Variants in ARHGAP21 observed in about 807,000 individuals in gnomAD.
ARHGAP21 encodes the protein rho GTPase-activating protein 21.
ARHGAP21 carries 38 observed loss-of-function variants against 164.6 expected under a neutral mutation model. The ratio of observed to expected loss-of-function variants is 0.23; its 90% CI spans 0.18 to 0.30. ARHGAP21 has a LOEUF of 0.30. ARHGAP21 is among the 10% of genes least tolerant of loss of function. The pLI, the probability that ARHGAP21 is intolerant of heterozygous loss-of-function variation, is 1.00. For synonymous variants in ARHGAP21, 766 were observed against 857.9 expected (o/e 0.89, Z 1.87); for missense variants, 1,822 against 2,370.7 (o/e 0.77, Z 4.81).
chr10:24,602,552 A>G (rs2076857325), intron 12 of ARHGAP21, among the ~76,000 whole-genome samples: 1 of 152,224 alleles, frequency 6.6e-6, no homozygotes, highest in Non-Finnish European at 1.5e-5. Context: ...ATGAGAATGT[A>G]CAGCTACTGA....
At chr10:24,717,832 G>C (rs1187404299) in intron 2 of ARHGAP21, among the ~76,000 whole-genome samples, 1 of 147,444 alleles carries the variant, frequency 6.8e-6, no homozygotes, top group Non-Finnish European at 1.5e-5. Context: ...CGGGTTCAAG[G>C]ATTCTCATAC....
chr10:24,620,762 G>C lies in ARHGAP21; in HGVS notation c.1133C>G (p.Pro378Arg). ...APSVSVNHYS[P>R]NSHQHIDWKN... The stretch of plus-strand genomic sequence containing the variant: ...CCAGTCTATGTGCTGATGGGAATTT[G>C]GCGAATAGTGATTAACAGATACAGA... Residue 378 changes from proline (P) to arginine (R), a missense_variant, in exon 9 of 26, where the codon CCA (proline) becomes CGA (arginine). Pro to Arg is a moderately radical substitution (Grantham distance 103). This residue lies in a region of ARHGAP21 where 1,090 missense variants were observed against 1,378.9 expected (regional missense o/e 0.79). Transcript: ENST00000396432. 6.2e-7 allele frequency: 1 copy of C among 1,614,138 alleles called. No homozygotes were observed. Among genetic ancestry groups the C allele is most frequent in the East Asian group, 2.2e-5 (1 of 44,886 alleles).
chr10:24,709,671 C>G (rs1390321260), intron 2 of ARHGAP21, among the ~76,000 whole-genome samples: 1 of 150,856 alleles, frequency 6.6e-6, no homozygotes, highest in Non-Finnish European at 1.5e-5. Context: ...GCCAGCAGGT[C>G]GAGGCTACAG....
chr10:24,711,706 T>C (rs538657026), intron 2 of ARHGAP21, among the ~76,000 whole-genome samples: 3 of 152,062 alleles, frequency 2.0e-5, no homozygotes, highest in Admixed American at 2.0e-4. Flanking sequence ...AAAACAGACA[T>C]GAGAAGAGGC....
At chr10:24,648,113 A>G (rs946928619) in intron 4 of ARHGAP21, among the ~76,000 whole-genome samples, 13 of 152,170 alleles carry the variant, frequency 8.5e-5, no homozygotes, top group African/African-American at 3.1e-4. Flanking sequence ...TGCTGGGATT[A>G]CAGGCGTGAG....
chr10:24,684,836 A>G (rs1365261157), intron 2 of ARHGAP21, among the ~76,000 whole-genome samples: 1 of 152,034 alleles, frequency 6.6e-6, no homozygotes, highest in Non-Finnish European at 1.5e-5. Context: ...ACAGGGTTTC[A>G]CCACGTTTGC....
intron 4 of ARHGAP21, among the ~76,000 whole-genome samples, chr10:24,651,547 G>C (rs1209695751): frequency 2.6e-5 from 4 of 152,186 alleles, no homozygotes; most frequent in Admixed American, 2.6e-4. Flanking sequence ...TTAGGTGAAG[G>C]CAATCCTTGA....
At position 24,620,217 on chromosome 10, in the gene ARHGAP21, C is replaced by T; in HGVS notation, c.1678G>A (p.Val560Met). Residue 560 changes from valine to methionine, a missense_variant, in exon 9 of 26, where the codon GTG becomes ATG. Coordinates refer to ENST00000396432, the MANE Select transcript of ARHGAP21 (RefSeq NM_020824.4). ...HKSFRGSNFT[V>M]APSVVNSDNR... ...TCAGAATTAACAACGCTTGGAGCCA[C>T]AGTAAAATTGGAACCTCGAAAAGAT... 6.2e-7 allele frequency: 1 copy of T among 1,613,924 alleles called. No individual in the cohort carries two copies. The highest frequency in any genetic ancestry group is 1.1e-5 in the South Asian group (1 of 91,060).
At position 24,585,756 on chromosome 10, in the gene ARHGAP21, G is replaced by A; in HGVS notation, c.4533C>T (p.His1511=). The change falls in exon 26 of 26, where the codon CAC becomes CAT. Residue 1511 remains histidine, a synonymous_variant. Coordinates refer to ENST00000396432, the MANE Select transcript of ARHGAP21 (RefSeq NM_020824.4). ...EEPSPPHNSK[H]NKSPTLSCRF... ...GACAGCTGAGAGTTGGTGACTTGTT[G>A]TGTTTTGAGTTGTGTGGTGGTGAGG... is the stretch of plus-strand genomic sequence containing the variant. The A allele has an allele frequency of 6.2e-7, 1 of 1,613,976 alleles. No homozygotes were observed. Among genetic ancestry groups the A allele is most frequent in the Non-Finnish European group, 8.5e-7 (1 of 1,179,908 alleles).
chr10:24,622,978 T>C, intron 7 of ARHGAP21: 1 of 493,980 alleles, frequency 2.0e-6, no homozygotes, highest in East Asian at 3.3e-5. Flanking sequence ...TCTTGTTTGA[T>C]GTGTCTACCA....
At chr10:24,656,361 C>T (rs1485219165) in intron 4 of ARHGAP21, among the ~76,000 whole-genome samples, 7 of 105,890 alleles carry the variant, frequency 6.6e-5, no homozygotes, top group African/African-American at 8.1e-5. Flanking sequence ...CCCCCCCACC[C>T]GGCCAGCCGC....
At chr10:24,649,415 A>G (rs1049491065) in intron 4 of ARHGAP21, among the ~76,000 whole-genome samples, 2 of 151,992 alleles carry the variant, frequency 1.3e-5, no homozygotes, top group African/African-American at 4.8e-5. Context: ...CTATCAGGAG[A>G]CTCTCCCGCA....
intron 9 of ARHGAP21, among the ~76,000 whole-genome samples, chr10:24,611,023 A>G (rs890962129): frequency 1.3e-5 from 2 of 152,216 alleles, no homozygotes; most frequent in Non-Finnish European, 2.9e-5. Flanking sequence ...TCACTTTAAG[A>G]TGTTCTCATC....
intron 2 of ARHGAP21, among the ~76,000 whole-genome samples, chr10:24,717,119 T>C (rs1565211977): frequency 6.6e-6 from 1 of 152,014 alleles, no homozygotes. Context: ...CATGAAACAG[T>C]ATTGGGAGAA....
At chr10:24,595,619 G>C in intron 19 of ARHGAP21, 98 bp downstream of exon 19, 1 of 1,261,850 alleles carries the variant, frequency 7.9e-7, no homozygotes, top group Non-Finnish European at 1.1e-6. Flanking sequence ...TGCTTCCTTT[G>C]ACCAAGACAT....
intron 9 of ARHGAP21, among the ~76,000 whole-genome samples, chr10:24,611,353 G>A (rs1367792636): frequency 2.6e-5 from 4 of 152,176 alleles, no homozygotes; most frequent in African/African-American, 9.7e-5. Flanking sequence ...GTCACCAACG[G>A]CCACCTTTTC....
chr10:24,631,107 G>A lies in ARHGAP21; in HGVS notation c.441-1057C>T, dbSNP rs117955540. Among the ~76,000 whole-genome samples the A allele has an allele frequency of 8.5e-5, 13 of 152,302 alleles. No individual in the cohort carries two copies. In the East Asian group the frequency reaches 2.5e-3, roughly 29 times the overall value. ...TACAGATATGGCAAAGGTGCCGGGC[G>A]AAGTGGCTTACGTTCCCAGGCCAAG... On this transcript the variant is annotated intron_variant, in intron 6 of 25. Transcript: ENST00000396432.
chr10:24,675,715 T>G (rs11014198), intron 2 of ARHGAP21, among the ~76,000 whole-genome samples: 43,565 of 152,032 alleles, frequency 0.29, 6,426 homozygotes, highest in South Asian at 0.36. Context: ...AACACACACA[T>G]TACTCCAACA....
chr10:24,586,500 C>T (rs144705398), intron 25 of ARHGAP21, among the ~76,000 whole-genome samples: 12 of 152,212 alleles, frequency 7.9e-5, no homozygotes, highest in East Asian at 1.9e-4. Flanking sequence ...TATTGTGACA[C>T]GGTCAAACAT....
Sources: allele counts gnomAD v4.1 joint callset (sites outside exome capture counted in the v4.1 genomes callset), GRCh38; gene constraint gnomAD v4.1.1; regional missense constraint gnomAD v4.1.1; transcripts MANE v1.5; gene names NCBI Gene and HGNC (gene_info 2026-07-23, HGNC 2026-07-21).